Variants in TMIGD3 observed in about 807,000 individuals in gnomAD.
TMIGD3 encodes the protein AD026 protein (AD026).
TMIGD3 carries 21 observed loss-of-function variants against 28.1 expected under a neutral mutation model. The ratio of observed to expected loss-of-function variants is 0.75; its 90% CI spans 0.53 to 1.08. The LOEUF is 1.08. TMIGD3 is among the 50% of genes least tolerant of loss of function. TMIGD3 has a pLI of 0.00. For missense variants in TMIGD3, 416 were observed against 435.6 expected, an observed-to-expected ratio of 0.96 and a Z score of 0.40; for synonymous variants, 151 against 162.1, an observed-to-expected ratio of 0.93 and a Z score of 0.52.
At chr1:111,518,138 G>A (rs184996702) in intron 1 of TMIGD3, among the ~76,000 whole-genome samples, 186 of 152,280 alleles carry the variant, frequency 1.2e-3, no homozygotes, top group African/African-American at 3.7e-3. Flanking sequence ...CTATACCTGT[G>A]CTAACTGTTT....
chr1:111,523,654 AT>A (rs1656154522), intron 1 of TMIGD3, among the ~76,000 whole-genome samples: 1 of 152,128 alleles, frequency 6.6e-6, no homozygotes. Context: ...TTATGTGAAA[AT>A]TTGTAATATA....
intron 1 of TMIGD3, among the ~76,000 whole-genome samples, chr1:111,533,169 C>T (rs181710507): frequency 5.8e-4 from 88 of 152,268 alleles, no homozygotes; most frequent in Admixed American, 1.2e-3. Flanking sequence ...ATGCAAAATA[C>T]TTCATTTTTG....
intron 1 of TMIGD3, among the ~76,000 whole-genome samples, chr1:111,499,135 G>T: frequency 6.6e-6 from 1 of 150,852 alleles, no homozygotes; most frequent in Non-Finnish European, 1.5e-5. Flanking sequence ...AAAAGAAAAG[G>T]GCTCAACAAA....
rs1557823969 is a variant in TMIGD3, at chr1:111,502,111, AT to A, written c.350+893del. On this transcript the variant is annotated intron_variant, in intron 1 of 5. Transcript: ENST00000369716. ...TATATATAGGAGATATATATTTAAT[AT>A]AATAAATATATAGGATATATATTTA... is the stretch of plus-strand genomic sequence containing the variant. Among the ~76,000 whole-genome samples the A allele has an allele frequency of 5.3e-5, 6 of 112,708 alleles. No individual in the cohort carries two copies. In the East Asian group the frequency reaches 6.9e-4, roughly 13 times the overall value. 73.9% of individuals were successfully genotyped at this position (112,708 alleles called of 152,430 possible).
chr1:111,500,460 C>G, intron 1 of TMIGD3: 1 of 1,614,142 alleles, frequency 6.2e-7, no homozygotes. Context: ...GTTTCATGTT[C>G]CAGCCAAACA....
At chr1:111,515,646 G>T (rs1280747615) in intron 1 of TMIGD3, among the ~76,000 whole-genome samples, 2 of 152,248 alleles carry the variant, frequency 1.3e-5, no homozygotes, top group Admixed American at 1.3e-4. Context: ...AGGACACAGA[G>T]ACTGCCCAGG....
At chr1:111,537,229 G>C (rs1263731214) in intron 1 of TMIGD3, among the ~76,000 whole-genome samples, 1 of 152,178 alleles carries the variant, frequency 6.6e-6, no homozygotes, top group Non-Finnish European at 1.5e-5. Flanking sequence ...CTCACTTCTA[G>C]CACAAGACTG....
exon 1 of TMIGD3, chr1:111,563,870 A>G: frequency 1.2e-6 from 2 of 1,613,390 alleles, no homozygotes; most frequent in Non-Finnish European, 1.7e-6. Flanking sequence ...CAAGCAGCCC[A>G]GTGTCCAGTC....
At chr1:111,490,343 G>T (rs887298320) in intron 2 of TMIGD3, 2 of 276,000 alleles carry the variant, frequency 7.2e-6, no homozygotes, top group Admixed American at 9.9e-5. Context: ...TAATGAATTT[G>T]CATGTCATCC....
intron 1 of TMIGD3, among the ~76,000 whole-genome samples, chr1:111,521,788 C>T (rs1656068592): frequency 6.6e-6 from 1 of 152,202 alleles, no homozygotes; most frequent in Non-Finnish European, 1.5e-5. Flanking sequence ...AATTTTTGCT[C>T]GTATATTTTG....
At chr1:111,563,512 A>G (rs920753731) in intron 1 of TMIGD3, among the ~76,000 whole-genome samples, 1 of 152,226 alleles carries the variant, frequency 6.6e-6, no homozygotes, top group Admixed American at 6.5e-5. Flanking sequence ...ATATAACAAA[A>G]TAAAAGTTTA....
chr1:111,529,060 G>C (rs977139355), intron 1 of TMIGD3, among the ~76,000 whole-genome samples: 1 of 151,668 alleles, frequency 6.6e-6, no homozygotes, highest in Non-Finnish European at 1.5e-5. Flanking sequence ...GTGGTGATAG[G>C]AGACATTCTT....
At chr1:111,531,085 C>G (rs2101014184) in intron 1 of TMIGD3, among the ~76,000 whole-genome samples, 1 of 152,268 alleles carries the variant, frequency 6.6e-6, no homozygotes, top group South Asian at 2.1e-4. Flanking sequence ...CGAGACCAGC[C>G]TAGGCAACAT....
chr1:111,518,125 T>C (rs1655925708), intron 1 of TMIGD3, among the ~76,000 whole-genome samples: 1 of 152,214 alleles, frequency 6.6e-6, no homozygotes, highest in African/African-American at 2.4e-5. Flanking sequence ...TTTAACCTTT[T>C]TGCTATACCT....
At chr1:111,504,838 G>C (rs1655423815), upstream of TMIGD3, 1 of 984,698 alleles carries the variant, frequency 1.0e-6, no homozygotes, top group African/African-American at 1.7e-5. Flanking sequence ...TGTATCCCAA[G>C]TTGATCCAAG....
chr1:111,498,030 A>G (rs570188349), intron 1 of TMIGD3, among the ~76,000 whole-genome samples: 1 of 152,274 alleles, frequency 6.6e-6, no homozygotes, highest in East Asian at 1.9e-4. Context: ...CTAGGGCCTC[A>G]TCCTGGAAGT....
chr1:111,552,230 T>G (rs1022762996), intron 1 of TMIGD3, among the ~76,000 whole-genome samples: 5 of 152,200 alleles, frequency 3.3e-5, no homozygotes, highest in African/African-American at 1.2e-4. Flanking sequence ...AGGACAAATA[T>G]TTCCAAATGA....
chr1:111,521,961 T>A (rs759649097), intron 1 of TMIGD3, among the ~76,000 whole-genome samples: 4 of 152,234 alleles, frequency 2.6e-5, no homozygotes, highest in Non-Finnish European at 5.9e-5. Flanking sequence ...TTGAGGTTCA[T>A]TTTATTGCAT....
At chr1:111,492,683 G>A (rs753345607) in intron 1 of TMIGD3, among the ~76,000 whole-genome samples, 20 of 151,972 alleles carry the variant, frequency 1.3e-4, no homozygotes, top group Non-Finnish European at 2.5e-4. Flanking sequence ...GCGTGGTGGT[G>A]CGTGCCTGTA....
Sources: gnomAD v4.1 joint callset for allele counts (sites outside exome capture counted in the v4.1 genomes callset) on GRCh38, gnomAD v4.1.1 for gene constraint, MANE v1.5 for transcripts, NCBI Gene and HGNC (gene_info 2026-07-23, HGNC 2026-07-21) for gene names.